CPNE4: variants seen among roughly 807,000 people sequenced by gnomAD.
CPNE4 encodes copine 4.
A neutral mutation model predicts 67.9 loss-of-function variants in CPNE4; 25 were observed. The ratio of observed to expected loss-of-function variants is 0.37; its 90% CI spans 0.27 to 0.51. The LOEUF (loss-of-function observed/expected upper bound fraction) is 0.51, where lower values mean the gene tolerates loss of function less well. Ranked by LOEUF, CPNE4 falls within the 20% of genes least tolerant of loss-of-function variation. The pLI, the probability that CPNE4 is intolerant of heterozygous loss-of-function variation, is 0.93. For missense variants in CPNE4, 464 were observed against 690.8 expected (o/e 0.67, Z 3.68); for synonymous variants, 242 against 244.9 (o/e 0.99, Z 0.11).
chr3:131,850,969 C>A (rs1560463198), intron 2 of CPNE4, among the ~76,000 whole-genome samples: 1 of 152,078 alleles, frequency 6.6e-6, no homozygotes, highest in Admixed American at 6.6e-5. Flanking sequence ...AGCAATTCTA[C>A]CTCCTCCCAC....
intron 3 of CPNE4, among the ~76,000 whole-genome samples, chr3:131,711,035 A>G (rs1262534453): frequency 1.3e-5 from 2 of 152,226 alleles, no homozygotes; most frequent in Non-Finnish European, 2.9e-5. Context: ...AATACTAGCT[A>G]TGAAAATGAT....
intron 5 of CPNE4, among the ~76,000 whole-genome samples, chr3:131,692,860 T>G (rs757343906): frequency 2.6e-5 from 4 of 152,194 alleles, no homozygotes; most frequent in Non-Finnish European, 1.5e-5. Context: ...ATATGAATAC[T>G]TTCTCAAGAA....
At chr3:131,893,865 A>G (rs564361844) in intron 2 of CPNE4, among the ~76,000 whole-genome samples, 5 of 151,952 alleles carry the variant, frequency 3.3e-5, no homozygotes, top group Admixed American at 6.6e-5. Context: ...AGGAAGAAAG[A>G]TTTCCGATAA....
intron 2 of CPNE4, among the ~76,000 whole-genome samples, chr3:131,830,272 C>T (rs2085315011): frequency 6.6e-6 from 1 of 152,186 alleles, no homozygotes; most frequent in Admixed American, 6.5e-5. Flanking sequence ...TTCTCCACCT[C>T]CACCTTGGTC....
At chr3:131,815,857 A>G (rs4854840) in intron 2 of CPNE4, among the ~76,000 whole-genome samples, 73,496 of 151,826 alleles carry the variant, frequency 0.48, 18,790 homozygotes, top group African/African-American at 0.65. Flanking sequence ...ATTTTGCAGA[A>G]CTTCTTTGTC....
chr3:131,859,137 A>G (rs1278088057), intron 2 of CPNE4, among the ~76,000 whole-genome samples: 1 of 152,160 alleles, frequency 6.6e-6, no homozygotes, highest in Non-Finnish European at 1.5e-5. Flanking sequence ...AGAAGTCATA[A>G]ATGAGACCCA....
chr3:131,965,900 A>G (rs1241967377), intron 1 of CPNE4, among the ~76,000 whole-genome samples: 1 of 152,194 alleles, frequency 6.6e-6, no homozygotes, highest in Non-Finnish European at 1.5e-5. Context: ...AGAACTCTCC[A>G]CTCCAAATCA....
At chr3:131,542,890 A>G in intron 14 of CPNE4, 97 bp from the exon 15 acceptor site, 1 of 790,848 alleles carries the variant, frequency 1.3e-6, no homozygotes, top group Non-Finnish European at 2.1e-6. Context: ...GCCTCACTGC[A>G]CATTGACCAA....
At chr3:131,546,544 T>C (rs536627737) in intron 14 of CPNE4, among the ~76,000 whole-genome samples, 1 of 152,272 alleles carries the variant, frequency 6.6e-6, no homozygotes, top group Admixed American at 6.5e-5. Flanking sequence ...GAGAAACCTC[T>C]GGGGAAAAGC....
At chr3:131,600,906 T>G (rs907935649) in intron 7 of CPNE4, among the ~76,000 whole-genome samples, 4 of 152,228 alleles carry the variant, frequency 2.6e-5, no homozygotes, top group African/African-American at 7.2e-5. Context: ...ACTTTGCTAC[T>G]TTTTCTTTTT....
At position 131,581,568 on chromosome 3, in the gene CPNE4, T is replaced by C; in HGVS notation, c.867+11A>G. On this transcript the variant is annotated intron_variant, in intron 9 of 15. Coordinates refer to ENST00000429747, the MANE Select transcript of CPNE4 (RefSeq NM_130808.3). ...GCTTCATACTCCTGGAAGAGAGGGT[T>C]GTGTACATACCTTGCACAGATTCAG... is the stretch of plus-strand genomic sequence containing the variant. 6.3e-7 allele frequency: 1 copy of C among 1,583,960 alleles called. No individual in the cohort carries two copies. Among genetic ancestry groups the C allele is most frequent in the Non-Finnish European group, 8.7e-7 (1 of 1,152,520 alleles).
intron 1 of CPNE4, among the ~76,000 whole-genome samples, chr3:131,942,908 TC>T (rs1259928023): frequency 6.6e-6 from 1 of 152,090 alleles, no homozygotes; most frequent in Non-Finnish European, 1.5e-5. Flanking sequence ...AAAGCTGAAT[TC>T]CCATCCAGTT....
At chr3:131,822,270 A>C (rs1457053629) in intron 2 of CPNE4, among the ~76,000 whole-genome samples, 3 of 152,188 alleles carry the variant, frequency 2.0e-5, no homozygotes, top group Non-Finnish European at 4.4e-5. Flanking sequence ...TAGGATTTGA[A>C]ATTTGGTTCT....
At chr3:131,625,066 T>G (rs527732895) in intron 7 of CPNE4, among the ~76,000 whole-genome samples, 2 of 152,322 alleles carry the variant, frequency 1.3e-5, no homozygotes, top group East Asian at 3.9e-4. Context: ...GCCAGAACTC[T>G]GACTGATACC....
At chr3:131,798,095 C>A (rs923366954) in intron 2 of CPNE4, among the ~76,000 whole-genome samples, 5 of 152,156 alleles carry the variant, frequency 3.3e-5, no homozygotes, top group African/African-American at 7.2e-5. Flanking sequence ...ACCCTTATGA[C>A]CTCCTTTAAC....
At chr3:131,774,424 G>A (rs1017994895) in intron 2 of CPNE4, among the ~76,000 whole-genome samples, 4 of 151,994 alleles carry the variant, frequency 2.6e-5, no homozygotes, top group Non-Finnish European at 5.9e-5. Flanking sequence ...TTACTATAAG[G>A]TTAGACCAGC....
intron 2 of CPNE4, among the ~76,000 whole-genome samples, chr3:131,735,765 A>T (rs1446209985): frequency 2.6e-5 from 4 of 152,240 alleles, no homozygotes; most frequent in Admixed American, 2.0e-4. Flanking sequence ...CAAAGTGCCA[A>T]CAACATACTG....
intron 1 of CPNE4, among the ~76,000 whole-genome samples, chr3:131,913,066 T>C (rs771043468): frequency 6.6e-6 from 1 of 152,140 alleles, no homozygotes; most frequent in Non-Finnish European, 1.5e-5. Flanking sequence ...TGAGTTTGAA[T>C]CACAGCTCTA....
chr3:131,745,506 C>G (rs1446744505), intron 2 of CPNE4, among the ~76,000 whole-genome samples: 1 of 152,008 alleles, frequency 6.6e-6, no homozygotes, highest in Non-Finnish European at 1.5e-5. Context: ...CCCTAAAGCC[C>G]CAAAATTTCC....
Sources: allele counts gnomAD v4.1 joint callset (sites outside exome capture counted in the v4.1 genomes callset), GRCh38; gene constraint gnomAD v4.1.1; transcripts MANE v1.5; gene names NCBI Gene and HGNC (gene_info 2026-07-23, HGNC 2026-07-21).